NOX4: variants seen among roughly 807,000 people sequenced by gnomAD.
The protein encoded by NOX4 is kidney oxidase-1.
A neutral mutation model predicts 87.6 loss-of-function variants in NOX4; 69 were observed. The observed-to-expected ratio is 0.79, with a 90% CI of 0.65 to 0.96. The LOEUF is 0.96. Among genes scored for constraint, NOX4 ranks in the 40% least tolerant of loss-of-function variants. The pLI, the probability that NOX4 is intolerant of heterozygous loss-of-function variation, is 0.00. For missense variants in NOX4, 680 were observed against 681.5 expected (o/e 1.00, Z 0.02); for synonymous variants, 275 against 238.2 (o/e 1.15, Z -1.42).
At chr11:89,365,701 T>C (rs1938910513) in intron 12 of NOX4, among the ~76,000 whole-genome samples, 1 of 138,550 alleles carries the variant, frequency 7.2e-6, no homozygotes, top group Admixed American at 8.0e-5. Context: ...ATATCTTAGA[T>C]GTGTATTCAA....
chr11:89,486,499 T>G (rs142241846), intron 2 of NOX4, among the ~76,000 whole-genome samples: 5,681 of 146,442 alleles, frequency 0.039, 239 homozygotes, highest in African/African-American at 0.096. Flanking sequence ...TGTGTGCATA[T>G]ATACACATAT....
At chr11:89,507,643 G>T in the NOX4 span, among the ~76,000 whole-genome samples, 2 of 151,716 alleles carry the variant, frequency 1.3e-5, no homozygotes, top group East Asian at 1.9e-4. Context: ...TATCCAAAAC[G>T]AATGTGGTTA....
intron 7 of NOX4, among the ~76,000 whole-genome samples, chr11:89,428,586 T>G (rs969177222): frequency 6.6e-6 from 1 of 151,780 alleles, no homozygotes. Context: ...TAAAACAGAC[T>G]TTAAACCAAC....
At chr11:89,489,599 G>A (rs970964221) in intron 2 of NOX4, among the ~76,000 whole-genome samples, 4 of 151,708 alleles carry the variant, frequency 2.6e-5, no homozygotes, top group South Asian at 2.1e-4. Context: ...GTGCTGGTGC[G>A]TGCCTGTAGT....
At chr11:89,493,539 G>T (rs1044075686), upstream of NOX4, among the ~76,000 whole-genome samples, 1 of 151,928 alleles carries the variant, frequency 6.6e-6, no homozygotes, top group Admixed American at 6.6e-5. Flanking sequence ...TTATATAAAT[G>T]TTGGTTATTA....
chr11:89,378,161 A>G (rs922526151), intron 11 of NOX4, among the ~76,000 whole-genome samples: 3 of 152,124 alleles, frequency 2.0e-5, no homozygotes, highest in African/African-American at 7.2e-5. Context: ...TTTCTGTCCT[A>G]TTGCCTATGG....
chr11:89,463,421 C>T (rs1279153380), intron 2 of NOX4, among the ~76,000 whole-genome samples: 2 of 151,958 alleles, frequency 1.3e-5, no homozygotes, highest in East Asian at 1.9e-4. Flanking sequence ...ATAGTGTATA[C>T]AAATATAACA....
chr11:89,497,404 A>G (rs1946968820), intron 1 of NOX4, among the ~76,000 whole-genome samples: 1 of 40,308 alleles, frequency 2.5e-5, no homozygotes, highest in Admixed American at 1.6e-4. Flanking sequence ...TTGGACTTCT[A>G]TAGTCTCACT....
rs1946777382 is a variant in NOX4, at chr11:89,489,744, A to AG, written c.153+713dup. ...CTCTGTCTCAAAAAAAAAAAAAGAA[A>AG]GAAAGAAAGAAAGAAAAAGAAAACG... On this transcript the variant is annotated intron_variant, in intron 2 of 17. Coordinates refer to ENST00000263317, the MANE Select transcript of NOX4 (RefSeq NM_016931.5). 3.3e-5 allele frequency among the ~76,000 whole-genome samples: 5 copies of AG among 151,002 alleles called. No homozygotes were observed. In the South Asian group the frequency reaches 1.0e-3, roughly 32 times the overall value.
the NOX4 span, among the ~76,000 whole-genome samples, chr11:89,569,047 T>C: frequency 8.8e-3 from 1,339 of 151,810 alleles, 19 homozygotes; most frequent in African/African-American, 0.031. Context: ...AAATGAAAAA[T>C]GTAAAATGTA....
chr11:89,536,027 G>T, the NOX4 span, among the ~76,000 whole-genome samples: 36 of 150,870 alleles, frequency 2.4e-4, no homozygotes, highest in African/African-American at 8.3e-4. Flanking sequence ...TGCTCCCGGG[G>T]TTTTCTTTCT....
chr11:89,394,507 TTTATTA>T (rs1941342523), intron 11 of NOX4, among the ~76,000 whole-genome samples: 1 of 152,068 alleles, frequency 6.6e-6, no homozygotes, highest in African/African-American at 2.4e-5. Flanking sequence ...AAGTAATTTT[TTTATTA>T]TTATTATATT....
At chr11:89,340,257 A>G (rs2135382340) in intron 14 of NOX4, 86 bp from the exon 15 acceptor site, 1 of 844,372 alleles carries the variant, frequency 1.2e-6, no homozygotes, top group East Asian at 2.6e-5. Flanking sequence ...TTTCCTTTTC[A>G]TTAGTAAGCA....
At position 89,491,339 on chromosome 11, in the gene NOX4, G is replaced by A. The variant is rs527252156; in HGVS notation, c.-93C>T. On this transcript the variant is annotated 5_prime_UTR_variant, in exon 1 of 18. Transcript: ENST00000263317. ...AGCGGTTACAGTTGTGCGGCCTGCCGGGCCGCTGAGCGAGGACCGAGGGTC... is the reference window on the plus strand; with the variant it reads ...AGCGGTTACAGTTGTGCGGCCTGCCAGGCCGCTGAGCGAGGACCGAGGGTC... The A allele has an allele frequency of 2.2e-5, 26 of 1,186,934 alleles. No individual in the cohort carries two copies. Among genetic ancestry groups the A allele is most frequent in the Admixed American group, 1.3e-4 (5 of 37,308 alleles). 73.5% of individuals were successfully genotyped at this position (1,186,934 alleles called of 1,614,324 possible).
chr11:89,418,396 C>A (rs911853019), intron 8 of NOX4, among the ~76,000 whole-genome samples: 5 of 148,712 alleles, frequency 3.4e-5, no homozygotes, highest in Non-Finnish European at 7.4e-5. Context: ...TCTCTCACTG[C>A]TCCTATTCTC....
upstream of NOX4, among the ~76,000 whole-genome samples, chr11:89,493,185 G>A (rs1946902877): frequency 2.0e-5 from 3 of 152,144 alleles, no homozygotes; most frequent in African/African-American, 7.2e-5. Flanking sequence ...AGGAGATGGA[G>A]GCCATCCTGG....
chr11:89,454,353 G>A (rs568321674), intron 2 of NOX4, among the ~76,000 whole-genome samples: 3 of 152,052 alleles, frequency 2.0e-5, no homozygotes, highest in Non-Finnish European at 4.4e-5. Flanking sequence ...CTGAGTAGAT[G>A]TTATTATTGC....
chr11:89,408,951 G>A (rs1942328125), intron 8 of NOX4, among the ~76,000 whole-genome samples: 1 of 152,072 alleles, frequency 6.6e-6, no homozygotes, highest in Non-Finnish European at 1.5e-5. Context: ...GGTCTTAAGG[G>A]CTTAGGATCA....
chr11:89,536,284 C>A, the NOX4 span, among the ~76,000 whole-genome samples: 2 of 151,530 alleles, frequency 1.3e-5, no homozygotes, highest in African/African-American at 4.8e-5. Flanking sequence ...GTAGCTGGGA[C>A]TATAGGCGCC....
Sources: allele counts gnomAD v4.1 joint callset (sites outside exome capture counted in the v4.1 genomes callset), GRCh38; gene constraint gnomAD v4.1.1; transcripts MANE v1.5; gene names NCBI Gene and HGNC (gene_info 2026-07-23, HGNC 2026-07-21).